RPS6KC1: variants seen among roughly 807,000 people sequenced by gnomAD.
RPS6KC1 encodes inactive ribosomal protein S6 kinase delta-1.
A neutral mutation model predicts 103.8 loss-of-function variants in RPS6KC1; 54 were observed. That is an observed-to-expected ratio of 0.52 (90% CI 0.42 to 0.65). RPS6KC1 has a LOEUF of 0.65. Ranked by LOEUF, RPS6KC1 falls within the 30% of genes least tolerant of loss-of-function variation. The probability of loss-of-function intolerance (pLI) is 0.00; values close to 1 mark genes in which losing one functional copy is unlikely to be tolerated. For missense variants in RPS6KC1, 1,151 were observed against 1,253.8 expected (o/e 0.92, Z 1.24); for synonymous variants, 439 against 438.7 (o/e 1.00, Z -0.01).
chr1:213,652,529 C>T, the RPS6KC1 span, among the ~76,000 whole-genome samples: 8 of 152,212 alleles, frequency 5.3e-5, no homozygotes, highest in Non-Finnish European at 1.2e-4. Context: ...TTTCTCACCT[C>T]TTGAATCTGG....
At chr1:213,827,320 C>G in the RPS6KC1 span, among the ~76,000 whole-genome samples, 4 of 152,158 alleles carry the variant, frequency 2.6e-5, no homozygotes, top group African/African-American at 9.6e-5. Flanking sequence ...GGTCTCTGGG[C>G]AGAGCTGGGC....
At chr1:213,157,157 G>A (rs2089981091) in intron 6 of RPS6KC1, among the ~76,000 whole-genome samples, 1 of 150,958 alleles carries the variant, frequency 6.6e-6, no homozygotes, top group South Asian at 2.1e-4. Flanking sequence ...TTTGATTCAT[G>A]TATTTTTAAG....
the RPS6KC1 span, among the ~76,000 whole-genome samples, chr1:213,370,248 A>T: frequency 7.0e-6 from 1 of 142,154 alleles, no homozygotes; most frequent in East Asian, 2.0e-4. Flanking sequence ...ATTTTATTTT[A>T]TTTATTTTAT....
chr1:213,117,007 A>G (rs2083725165), intron 4 of RPS6KC1, among the ~76,000 whole-genome samples: 1 of 152,092 alleles, frequency 6.6e-6, no homozygotes, highest in African/African-American at 2.4e-5. Context: ...TTAAAATAAT[A>G]GTCTATTTCT....
chr1:213,627,086 T>C, the RPS6KC1 span, among the ~76,000 whole-genome samples: 1 of 152,208 alleles, frequency 6.6e-6, no homozygotes, highest in Non-Finnish European at 1.5e-5. Context: ...TTTGTTTGTA[T>C]CCTCTTTTAT....
chr1:213,840,072 C>A, the RPS6KC1 span: 2 of 152,102 alleles, frequency 1.3e-5, no homozygotes, highest in African/African-American at 4.8e-5. Flanking sequence ...TGCACTTTCC[C>A]CCACTAGAAA....
At chr1:213,360,747 C>A in the RPS6KC1 span, among the ~76,000 whole-genome samples, 1 of 152,176 alleles carries the variant, frequency 6.6e-6, no homozygotes, top group Non-Finnish European at 1.5e-5. Flanking sequence ...GTGTCGATGT[C>A]CTTTCTGTTT....
At chr1:213,678,563 C>A in the RPS6KC1 span, among the ~76,000 whole-genome samples, 1 of 152,230 alleles carries the variant, frequency 6.6e-6, no homozygotes, top group Non-Finnish European at 1.5e-5. Flanking sequence ...AAACTTCCCA[C>A]ACCTGGCTGA....
chr1:213,744,893 G>A, the RPS6KC1 span, among the ~76,000 whole-genome samples: 1 of 152,214 alleles, frequency 6.6e-6, no homozygotes, highest in Non-Finnish European at 1.5e-5. Context: ...AGCTGCCTGG[G>A]GGGAACAGGC....
chr1:213,382,746 G>A, the RPS6KC1 span, among the ~76,000 whole-genome samples: 1 of 152,194 alleles, frequency 6.6e-6, no homozygotes, highest in Non-Finnish European at 1.5e-5. Flanking sequence ...GGGTGCCAAA[G>A]GCACAGGCCA....
intron 6 of RPS6KC1, among the ~76,000 whole-genome samples, chr1:213,138,762 TG>T (rs2149071256): frequency 6.6e-6 from 1 of 152,380 alleles, no homozygotes; most frequent in South Asian, 2.1e-4. Flanking sequence ...TCACCGTTGA[TG>T]GGCATCTAGC....
At chr1:213,609,150 C>T in the RPS6KC1 span, among the ~76,000 whole-genome samples, 2 of 152,138 alleles carry the variant, frequency 1.3e-5, no homozygotes, top group African/African-American at 2.4e-5. Context: ...TGATCTGAGG[C>T]GGGAGTATAA....
the RPS6KC1 span, among the ~76,000 whole-genome samples, chr1:213,592,878 A>C: frequency 6.6e-6 from 1 of 152,222 alleles, no homozygotes; most frequent in East Asian, 1.9e-4. Context: ...AACGGCTGTA[A>C]GAAAAGATAA....
intron 3 of RPS6KC1, among the ~76,000 whole-genome samples, chr1:213,098,681 T>C (rs1553319805): frequency 6.6e-6 from 1 of 152,130 alleles, no homozygotes; most frequent in Non-Finnish European, 1.5e-5. Context: ...CTCAAAACAA[T>C]GTTATTGTAT....
the RPS6KC1 span, among the ~76,000 whole-genome samples, chr1:213,847,639 T>G: frequency 6.6e-6 from 1 of 152,166 alleles, no homozygotes; most frequent in Non-Finnish European, 1.5e-5. Flanking sequence ...GAGGGTTCCT[T>G]TGGTCTGAAA....
intron 6 of RPS6KC1, among the ~76,000 whole-genome samples, chr1:213,132,991 AC>A (rs2085820629): frequency 6.6e-6 from 1 of 152,200 alleles, no homozygotes; most frequent in South Asian, 2.1e-4. Flanking sequence ...CACATGCAAA[AC>A]ACAATAGCAA....
chr1:213,350,653 CTTTT>C, the RPS6KC1 span, among the ~76,000 whole-genome samples: 1 of 152,074 alleles, frequency 6.6e-6, no homozygotes, highest in African/African-American at 2.4e-5. Context: ...ATTAAAAACA[CTTTT>C]TTTCTCAGAT....
chr1:213,559,312 C>T, the RPS6KC1 span, among the ~76,000 whole-genome samples: 1 of 152,274 alleles, frequency 6.6e-6, no homozygotes, highest in East Asian at 1.9e-4. Context: ...GCTTATAGAG[C>T]CCTTTGGAAC....
intron 6 of RPS6KC1, among the ~76,000 whole-genome samples, chr1:213,160,886 ATATC>A (rs2090405266): frequency 1.3e-5 from 2 of 152,154 alleles, no homozygotes; most frequent in Non-Finnish European, 2.9e-5. Flanking sequence ...CATTAGGAGA[ATATC>A]TAACATAAAT....
Sources: gnomAD v4.1 joint callset for allele counts (sites outside exome capture counted in the v4.1 genomes callset) on GRCh38, gnomAD v4.1.1 for gene constraint, MANE v1.5 for transcripts, NCBI Gene and HGNC (gene_info 2026-07-23, HGNC 2026-07-21) for gene names.